Variants in NGF observed in about 807,000 individuals in gnomAD.
NGF encodes the protein nerve growth factor.
Under a neutral mutation model 12.8 loss-of-function variants are expected in NGF, and 4 were observed. The ratio of observed to expected loss-of-function variants is 0.31; its 90% CI spans 0.15 to 0.72. NGF has a LOEUF of 0.72. NGF is among the 30% of genes least tolerant of loss of function. NGF has a pLI of 0.69. For missense variants in NGF, 283 were observed against 330.8 expected (o/e 0.86, Z 1.12); for synonymous variants, 140 against 130.0 (o/e 1.08, Z -0.52).
intron 1 of NGF, among the ~76,000 whole-genome samples, chr1:115,334,011 A>G (rs966297172): frequency 2.6e-5 from 4 of 152,126 alleles, no homozygotes; most frequent in African/African-American, 9.7e-5. Flanking sequence ...CTATAAATAA[A>G]CAAATAGTTC....
intron 2 of NGF, among the ~76,000 whole-genome samples, chr1:115,291,289 T>G (rs1177961768): frequency 6.6e-6 from 1 of 152,270 alleles, no homozygotes; most frequent in East Asian, 1.9e-4. Context: ...TGAGTGCATT[T>G]TCTATTCTAG....
intron 1 of NGF, among the ~76,000 whole-genome samples, chr1:115,294,990 C>A (rs1653817788): frequency 6.6e-6 from 1 of 152,118 alleles, no homozygotes; most frequent in Non-Finnish European, 1.5e-5. Flanking sequence ...GGTGGAGATG[C>A]CCTCCCAATA....
chr1:115,324,186 G>A (rs1654704944), intron 1 of NGF, among the ~76,000 whole-genome samples: 1 of 152,104 alleles, frequency 6.6e-6, no homozygotes, highest in African/African-American at 2.4e-5. Context: ...TAAAACTGAA[G>A]GACAAGATCA....
chr1:115,319,031 C>A (rs1051820287), intron 1 of NGF, among the ~76,000 whole-genome samples: 1 of 152,192 alleles, frequency 6.6e-6, no homozygotes, highest in Non-Finnish European at 1.5e-5. Context: ...CTCTCACTAG[C>A]GTCCTGGTGG....
intron 1 of NGF, among the ~76,000 whole-genome samples, chr1:115,305,174 C>T (rs1469677554): frequency 6.6e-6 from 1 of 152,180 alleles, no homozygotes; most frequent in Non-Finnish European, 1.5e-5. Context: ...CACTAATACT[C>T]AATAACATGT....
At chr1:115,326,751 G>C (rs1385055585) in intron 1 of NGF, among the ~76,000 whole-genome samples, 1 of 152,154 alleles carries the variant, frequency 6.6e-6, no homozygotes, top group Non-Finnish European at 1.5e-5. Context: ...TGACTGTCAA[G>C]ATCCCTCATG....
At chr1:115,294,160 C>T (rs892642082) in intron 1 of NGF, among the ~76,000 whole-genome samples, 8 of 152,320 alleles carry the variant, frequency 5.3e-5, no homozygotes, top group South Asian at 2.1e-4. Flanking sequence ...CTTATACAGA[C>T]GCAAAATCCC....
At chr1:115,312,876 A>G (rs181985594) in intron 1 of NGF, among the ~76,000 whole-genome samples, 14 of 152,340 alleles carry the variant, frequency 9.2e-5, no homozygotes, top group Admixed American at 3.3e-4. Flanking sequence ...TTCTTTACTC[A>G]GAGCTCTCCA....
chr1:115,287,209 G>A (rs1396469261), intron 2 of NGF, among the ~76,000 whole-genome samples: 1 of 152,188 alleles, frequency 6.6e-6, no homozygotes, highest in African/African-American at 2.4e-5. Flanking sequence ...TCTCTCCCTG[G>A]CACTTGTGCC....
intron 2 of NGF, among the ~76,000 whole-genome samples, chr1:115,292,508 G>A (rs1261908134): frequency 6.6e-6 from 1 of 152,200 alleles, no homozygotes; most frequent in Admixed American, 6.5e-5. Context: ...CATATTTTGA[G>A]AGCCACGAGT....
At chr1:115,297,386 C>T (rs1023373375) in intron 1 of NGF, among the ~76,000 whole-genome samples, 2 of 152,080 alleles carry the variant, frequency 1.3e-5, no homozygotes, top group African/African-American at 4.8e-5. Context: ...ATATAACAGC[C>T]AAAGTTATGT....
chr1:115,329,131 GAGA>G (rs1169339441), intron 1 of NGF, among the ~76,000 whole-genome samples: 11 of 151,942 alleles, frequency 7.2e-5, no homozygotes, highest in Non-Finnish European at 2.9e-5. Context: ...GGAAGAAGAA[GAGA>G]AGGAGAGGAA....
chr1:115,294,340 T>C (rs969711670), intron 1 of NGF, among the ~76,000 whole-genome samples: 5 of 152,212 alleles, frequency 3.3e-5, no homozygotes, highest in African/African-American at 9.6e-5. Context: ...ATGGAGCTGA[T>C]ACAATTTTAA....
At chr1:115,292,219 G>C (rs1010730943) in intron 2 of NGF, among the ~76,000 whole-genome samples, 2 of 152,136 alleles carry the variant, frequency 1.3e-5, no homozygotes, top group African/African-American at 2.4e-5. Flanking sequence ...GGTGTCCTGG[G>C]GTGGGCTGAA....
intron 2 of NGF, among the ~76,000 whole-genome samples, chr1:115,291,717 C>T (rs994118101): frequency 5.3e-5 from 8 of 152,166 alleles, no homozygotes; most frequent in South Asian, 2.1e-4. Context: ...ATAAATTTCT[C>T]GCACGAGGTG....
rs67307707 is a variant in NGF, at chr1:115,337,267, G to GTTTTTTTTTTTTTTTTTTTTTTTTTTT, written c.-137+910_-137+936dup. Among the ~76,000 whole-genome samples, 13 of 81,030 alleles carry GTTTTTTTTTTTTTTTTTTTTTTTTTTT rather than the reference G, an allele frequency of 1.6e-4. 2 individuals are homozygous for GTTTTTTTTTTTTTTTTTTTTTTTTTTT. The highest frequency in any genetic ancestry group is 4.0e-4 in the South Asian group (1 of 2,508). The allele number at this position is 81,030 out of a possible 152,430, so 53.2% of individuals were successfully genotyped here. A position where few individuals can be genotyped will look rare whatever the true frequency, so the allele number is the denominator to read the frequency against. On this transcript the variant is annotated intron_variant, in intron 1 of 2. Coordinates refer to ENST00000369512, the MANE Select transcript of NGF (RefSeq NM_002506.3). Reference sequence around the variant, plus strand: ...TCGAAATTTTTTTTGTTTTGTTTTTGTTTTTTTTTTTTTTTTTTTTTTTTT... The same window carrying GTTTTTTTTTTTTTTTTTTTTTTTTTTT: ...TCGAAATTTTTTTTGTTTTGTTTTTGTTTTTTTTTTTTTTTTTTTTTTTTTTTTTTTTTTTTTTTTTTTTTTTTTTTT...
Position 115,311,036 on chromosome 1 carries a change from G to A in NGF, c.-136-17286C>T, listed in dbSNP as rs181043544. Among the ~76,000 whole-genome samples the A allele has an allele frequency of 6.8e-4, 104 of 152,200 alleles. 1 individual carries two copies. The highest frequency in any genetic ancestry group is 3.4e-3 in the Middle Eastern group (1 of 294). Reference sequence around the variant, plus strand: ...CATGCAAAGTAGGTATTCTATTTTGGGCAAACAAGGGAGTTGAGACTGAGA... The same window carrying A: ...CATGCAAAGTAGGTATTCTATTTTGAGCAAACAAGGGAGTTGAGACTGAGA... On this transcript the variant is annotated intron_variant, in intron 1 of 2. Transcript: ENST00000369512.
intron 1 of NGF, among the ~76,000 whole-genome samples, chr1:115,301,611 C>T (rs1054028641): frequency 6.6e-6 from 1 of 152,130 alleles, no homozygotes; most frequent in Non-Finnish European, 1.5e-5. Context: ...GTGTCCCAGT[C>T]GTGATTGGAA....
rs893323957 is a variant in NGF at position 115,338,245 on chromosome 1, G to C, written c.-178C>G. On this transcript the variant is annotated 5_prime_UTR_variant, in exon 1 of 3. Transcript: ENST00000369512. ...GGCTCCCAGCGCTCTCTGCTGTGCC[G>C]GAGCGCCGAGCTGCTCTCACACAGG... The C allele has an allele frequency of 6.6e-6, 1 of 152,308 alleles. No individual in the cohort carries two copies. The highest frequency in any genetic ancestry group is 2.4e-5 in the African/African-American group (1 of 41,438). 9.4% of individuals were successfully genotyped at this position (152,308 alleles called of 1,614,324 possible). A position where few individuals can be genotyped will look rare whatever the true frequency, so the allele number is the denominator to read the frequency against.
Sources: gnomAD v4.1 joint callset for allele counts (sites outside exome capture counted in the v4.1 genomes callset) on GRCh38, gnomAD v4.1.1 for gene constraint, MANE v1.5 for transcripts, NCBI Gene and HGNC (gene_info 2026-07-23, HGNC 2026-07-21) for gene names.